DPYD: variants seen among roughly 807,000 people sequenced by gnomAD.
DPYD encodes the protein dihydropyrimidine dehydrogenase.
A neutral mutation model predicts 116.2 loss-of-function variants in DPYD; 109 were observed. The observed-to-expected ratio is 0.94, with a 90% CI of 0.80 to 1.10. The LOEUF is 1.10. Ranked by LOEUF, DPYD falls within the 50% of genes least tolerant of loss-of-function variation. DPYD has a pLI of 0.00. For synonymous variants in DPYD, 440 were observed against 432.0 expected (o/e 1.02, Z -0.23); for missense variants, 1,302 against 1,254.5 (o/e 1.04, Z -0.57).
At chr1:97,494,615 C>G (rs1360739311) in intron 13 of DPYD, among the ~76,000 whole-genome samples, 1 of 152,054 alleles carries the variant, frequency 6.6e-6, no homozygotes, top group African/African-American at 2.4e-5. Context: ...TAGTGTCACA[C>G]TCCTGTAGTC....
At chr1:97,452,403 G>A (rs915877121) in intron 13 of DPYD, among the ~76,000 whole-genome samples, 1 of 152,096 alleles carries the variant, frequency 6.6e-6, no homozygotes, top group Non-Finnish European at 1.5e-5. Flanking sequence ...ATAAAGTACT[G>A]TATCTTCAAT....
intron 1 of DPYD, among the ~76,000 whole-genome samples, chr1:97,889,262 A>C (rs1328423091): frequency 1.3e-5 from 2 of 152,100 alleles, no homozygotes; most frequent in Non-Finnish European, 2.9e-5. Flanking sequence ...ATTCACACGA[A>C]AAAAACAAAG....
intron 8 of DPYD, among the ~76,000 whole-genome samples, chr1:97,666,780 T>A (rs1363790264): frequency 6.6e-6 from 1 of 152,204 alleles, no homozygotes; most frequent in Non-Finnish European, 1.5e-5. Flanking sequence ...TAATCAGGGA[T>A]AGCTATCTCT....
chr1:97,883,818 G>C (rs1672346317), intron 1 of DPYD: 3 of 362,698 alleles, frequency 8.3e-6, no homozygotes, highest in Non-Finnish European at 1.0e-5. Context: ...AGCCAGGAAA[G>C]AAAACTTAGG....
At chr1:97,452,532 T>A (rs929923202) in intron 13 of DPYD, among the ~76,000 whole-genome samples, 2 of 152,098 alleles carry the variant, frequency 1.3e-5, no homozygotes, top group African/African-American at 4.8e-5. Flanking sequence ...GGCTTTGATA[T>A]AGTTTGGATG....
intron 14 of DPYD, among the ~76,000 whole-genome samples, chr1:97,423,073 G>A (rs533718316): frequency 7.2e-5 from 11 of 151,938 alleles, no homozygotes; most frequent in Non-Finnish European, 1.5e-4. Context: ...AGTATTGCTG[G>A]ATGTTAATGA....
intron 8 of DPYD, among the ~76,000 whole-genome samples, chr1:97,612,006 T>C (rs1655981038): frequency 6.6e-6 from 1 of 152,048 alleles, no homozygotes; most frequent in Admixed American, 6.6e-5. Flanking sequence ...CAAGCATTAG[T>C]TTATGACTAG....
intron 22 of DPYD, 112 bp downstream of exon 22, chr1:97,082,218 A>C: frequency 7.7e-7 from 1 of 1,296,716 alleles, no homozygotes; most frequent in Non-Finnish European, 1.1e-6. Flanking sequence ...GCAGAAGAGC[A>C]ATATTTGGCA....
chr1:97,110,936 G>C (rs1651547021), intron 20 of DPYD, among the ~76,000 whole-genome samples: 1 of 151,982 alleles, frequency 6.6e-6, no homozygotes, highest in African/African-American at 2.4e-5. Context: ...CATAGGCTGA[G>C]GCGGGAGGAT....
At chr1:97,522,905 T>C (rs1648788950) in intron 12 of DPYD, among the ~76,000 whole-genome samples, 1 of 152,192 alleles carries the variant, frequency 6.6e-6, no homozygotes, top group Admixed American at 6.5e-5. Context: ...TAATTATTTT[T>C]AATACAAAAT....
intron 16 of DPYD, among the ~76,000 whole-genome samples, chr1:97,365,479 G>A (rs995951050): frequency 2.0e-5 from 3 of 152,160 alleles, no homozygotes; most frequent in African/African-American, 7.2e-5. Context: ...TTATGCTATA[G>A]TCAACAAATA....
intron 3 of DPYD, among the ~76,000 whole-genome samples, chr1:97,777,312 A>G (rs1160661934): frequency 6.6e-6 from 1 of 152,230 alleles, no homozygotes. Flanking sequence ...ATGACTATCC[A>G]TTCACTTATG....
chr1:97,816,386 T>C (rs766951538), intron 3 of DPYD, among the ~76,000 whole-genome samples: 1 of 152,174 alleles, frequency 6.6e-6, no homozygotes, highest in Non-Finnish European at 1.5e-5. Context: ...GACTAAATTT[T>C]TAATAAAAGT....
At chr1:97,285,862 C>G (rs1414762763) in intron 18 of DPYD, among the ~76,000 whole-genome samples, 3 of 151,958 alleles carry the variant, frequency 2.0e-5, no homozygotes, top group Non-Finnish European at 4.4e-5. Flanking sequence ...GGAGAGTCCA[C>G]CCGAGTGTCC....
At chr1:97,456,966 G>A (rs989146208) in intron 13 of DPYD, among the ~76,000 whole-genome samples, 2 of 151,936 alleles carry the variant, frequency 1.3e-5, no homozygotes, top group African/African-American at 4.8e-5. Context: ...AGACTACACT[G>A]GGACTCTCTC....
chr1:97,571,348 T>A (rs1300640361), intron 11 of DPYD, among the ~76,000 whole-genome samples: 2 of 152,036 alleles, frequency 1.3e-5, no homozygotes, highest in Non-Finnish European at 1.5e-5. Flanking sequence ...GGTAGAAAGA[T>A]AATGTATTAC....
intron 13 of DPYD, among the ~76,000 whole-genome samples, chr1:97,453,529 T>C (rs1676530052): frequency 6.6e-6 from 1 of 152,142 alleles, no homozygotes; most frequent in Admixed American, 6.6e-5. Context: ...AATTCTAAGC[T>C]ATATGCTATA....
intron 20 of DPYD, among the ~76,000 whole-genome samples, chr1:97,116,538 G>GA (rs1651978396): frequency 1.3e-5 from 2 of 151,956 alleles, no homozygotes; most frequent in South Asian, 4.2e-4. Context: ...TGGGTGTGGT[G>GA]GCATGCACCT....
chr1:97,810,866 T>A (rs925515748), intron 3 of DPYD, among the ~76,000 whole-genome samples: 1 of 152,146 alleles, frequency 6.6e-6, no homozygotes, highest in Non-Finnish European at 1.5e-5. Flanking sequence ...GAAATACTCC[T>A]AGTATAAAGA....
Sources: allele counts gnomAD v4.1 joint callset (sites outside exome capture counted in the v4.1 genomes callset), GRCh38; gene constraint gnomAD v4.1.1; transcripts MANE v1.5; gene names NCBI Gene and HGNC (gene_info 2026-07-23, HGNC 2026-07-21).